Variants in CREB5 observed in about 807,000 individuals in gnomAD.
CREB5 encodes the protein cyclic AMP-responsive element-binding protein 5.
CREB5 carries 19 observed loss-of-function variants against 57.1 expected under a neutral mutation model. That is an observed-to-expected ratio of 0.33 (90% confidence interval 0.23 to 0.49). The LOEUF (loss-of-function observed/expected upper bound fraction) is 0.49. Ranked by LOEUF, CREB5 falls within the 20% of genes least tolerant of loss-of-function variation. CREB5 has a pLI of 0.99. For missense variants in CREB5, 579 were observed against 671.6 expected (o/e 0.86, Z 1.52); for synonymous variants, 238 against 238.3 (o/e 1.00, Z 0.01).
At chr7:28,760,462 GT>G in intron 7 of CREB5, among the ~76,000 whole-genome samples, 1 of 152,280 alleles carries the variant, frequency 6.6e-6, no homozygotes, top group Middle Eastern at 3.4e-3. Flanking sequence ...ACCTGCCAAA[GT>G]TTTTTCTTCA....
At chr7:28,318,936 C>T (rs1338299905) in intron 1 of CREB5, among the ~76,000 whole-genome samples, 1 of 152,138 alleles carries the variant, frequency 6.6e-6, no homozygotes, top group African/African-American at 2.4e-5. Flanking sequence ...ATCATCTACT[C>T]AATAGATTTT....
intron 1 of CREB5, among the ~76,000 whole-genome samples, chr7:28,432,492 G>A (rs1272155729): frequency 6.6e-6 from 1 of 152,040 alleles, no homozygotes; most frequent in Non-Finnish European, 1.5e-5. Context: ...TAGTGGTCTT[G>A]GTAACTTCTC....
chr7:28,650,113 C>T (rs916271050), intron 5 of CREB5, among the ~76,000 whole-genome samples: 1 of 152,188 alleles, frequency 6.6e-6, no homozygotes. Context: ...CTGCTAATCA[C>T]TGTTATACTT....
chr7:28,804,869 T>G (rs1808616170), intron 8 of CREB5, among the ~76,000 whole-genome samples: 1 of 152,216 alleles, frequency 6.6e-6, no homozygotes, highest in Non-Finnish European at 1.5e-5. Flanking sequence ...AAGAAAGATG[T>G]GAATTAAGAA....
At chr7:28,714,176 G>C (rs1263982651) in intron 5 of CREB5, among the ~76,000 whole-genome samples, 1 of 151,958 alleles carries the variant, frequency 6.6e-6, no homozygotes, top group African/African-American at 2.4e-5. Flanking sequence ...TGTTACCTAG[G>C]CTGGTCTCGA....
chr7:28,511,982 A>T (rs1583559030), intron 4 of CREB5, among the ~76,000 whole-genome samples: 1 of 152,260 alleles, frequency 6.6e-6, no homozygotes. Context: ...TAGATTCTGG[A>T]TACATTTTGA....
chr7:28,400,038 G>T (rs982897865), intron 1 of CREB5, among the ~76,000 whole-genome samples: 2 of 151,206 alleles, frequency 1.3e-5, no homozygotes, highest in African/African-American at 4.9e-5. Flanking sequence ...TGCCTGGGTG[G>T]CAAGAGCGAA....
At chr7:28,765,902 G>A (rs904749473) in intron 7 of CREB5, among the ~76,000 whole-genome samples, 2 of 152,196 alleles carry the variant, frequency 1.3e-5, no homozygotes, top group African/African-American at 4.8e-5. Flanking sequence ...GTGCAGGACA[G>A]TTCGAGAATT....
chr7:28,646,140 T>C (rs1798879220), intron 5 of CREB5, among the ~76,000 whole-genome samples: 1 of 152,212 alleles, frequency 6.6e-6, no homozygotes, highest in South Asian at 2.1e-4. Flanking sequence ...CATGTGAACC[T>C]GTCCCTCATA....
At chr7:28,368,758 T>C (rs1043133493) in intron 1 of CREB5, among the ~76,000 whole-genome samples, 3 of 152,330 alleles carry the variant, frequency 2.0e-5, no homozygotes, top group East Asian at 3.9e-4. Flanking sequence ...TAGAAATTGA[T>C]TATATTGGTT....
At chr7:28,730,365 T>TC (rs1803550764) in intron 7 of CREB5, among the ~76,000 whole-genome samples, 2 of 151,674 alleles carry the variant, frequency 1.3e-5, no homozygotes, top group Non-Finnish European at 1.5e-5. Flanking sequence ...TTTTTTTTTT[T>TC]TTGAGACAGA....
chr7:28,816,183 T>C (rs1426937882), intron 9 of CREB5, among the ~76,000 whole-genome samples: 1 of 152,160 alleles, frequency 6.6e-6, no homozygotes, highest in East Asian at 1.9e-4. Flanking sequence ...CTTTCTTTTA[T>C]ATGTGCTATT....
At chr7:28,642,776 T>A (rs1252448946) in intron 5 of CREB5, among the ~76,000 whole-genome samples, 1 of 152,132 alleles carries the variant, frequency 6.6e-6, no homozygotes, top group Non-Finnish European at 1.5e-5. Context: ...GACTAAACTG[T>A]CCATCGTGAA....
chr7:28,703,389 A>C (rs546435338), intron 5 of CREB5, among the ~76,000 whole-genome samples: 1 of 152,328 alleles, frequency 6.6e-6, no homozygotes, highest in Non-Finnish European at 1.5e-5. Context: ...AAATATATTT[A>C]AGGAAATATG....
intron 7 of CREB5, among the ~76,000 whole-genome samples, chr7:28,765,515 T>G (rs774380726): frequency 2.6e-5 from 4 of 152,226 alleles, no homozygotes; most frequent in Admixed American, 6.5e-5. Context: ...CACATTTGCC[T>G]TATTCGTAGC....
chr7:28,486,601 G>T (rs571060370), intron 1 of CREB5, among the ~76,000 whole-genome samples: 1 of 144,682 alleles, frequency 6.9e-6, no homozygotes, highest in Non-Finnish European at 1.5e-5. Context: ...AAAAAAAGAG[G>T]GGGGGTATGA....
intron 1 of CREB5, among the ~76,000 whole-genome samples, chr7:28,470,550 T>A (rs1362745423): frequency 6.6e-6 from 1 of 152,218 alleles, no homozygotes; most frequent in African/African-American, 2.4e-5. Context: ...AATGTGGATA[T>A]CTCTTCAATA....
chr7:28,645,380 A>C (rs1798850998), intron 5 of CREB5, among the ~76,000 whole-genome samples: 2 of 152,002 alleles, frequency 1.3e-5, no homozygotes, highest in Non-Finnish European at 2.9e-5. Flanking sequence ...TTTTTGAAAA[A>C]CCTGACGAAG....
intron 1 of CREB5, among the ~76,000 whole-genome samples, chr7:28,402,335 T>G (rs1787485293): frequency 2.0e-5 from 3 of 152,172 alleles, no homozygotes. Flanking sequence ...AAAGTTCATG[T>G]GGAACCAAAA....
Sources: allele counts gnomAD v4.1 joint callset (sites outside exome capture counted in the v4.1 genomes callset), GRCh38; gene constraint gnomAD v4.1.1; transcripts MANE v1.5; gene names NCBI Gene and HGNC (gene_info 2026-07-23, HGNC 2026-07-21).